Variants in ASTN2 observed in about 807,000 individuals in gnomAD.
ASTN2 encodes astrotactin 2.
ASTN2 carries 54 observed loss-of-function variants against 139.8 expected under a neutral mutation model. That is an observed-to-expected ratio of 0.39 (90% confidence interval 0.31 to 0.48). The LOEUF (loss-of-function observed/expected upper bound fraction) is 0.48, where lower values mean the gene tolerates loss of function less well. Among genes scored for constraint, ASTN2 ranks in the 20% least tolerant of loss-of-function variants. ASTN2 has a pLI of 0.95. For synonymous variants in ASTN2, 756 were observed against 719.5 expected, an observed-to-expected ratio of 1.05 and a Z score of -0.81; for missense variants, 1,565 against 1,725.1, an observed-to-expected ratio of 0.91 and a Z score of 1.64.
At chr9:116,649,134 A>G (rs1009017123) in intron 17 of ASTN2, among the ~76,000 whole-genome samples, 1 of 152,196 alleles carries the variant, frequency 6.6e-6, no homozygotes, top group Admixed American at 6.5e-5. Flanking sequence ...CAAGATCACC[A>G]TCATCCTGTC....
At chr9:117,340,439 A>G (rs1829031699) in intron 1 of ASTN2, among the ~76,000 whole-genome samples, 1 of 151,942 alleles carries the variant, frequency 6.6e-6, no homozygotes, top group African/African-American at 2.4e-5. Context: ...TATAGAAGAA[A>G]AATGCCCGGT....
At chr9:116,522,735 A>G (rs1216306668) in intron 19 of ASTN2, among the ~76,000 whole-genome samples, 9 of 152,166 alleles carry the variant, frequency 5.9e-5, no homozygotes, top group Admixed American at 5.9e-4. Context: ...TCAGCAGAGG[A>G]TAAGTAGAAG....
chr9:117,082,221 C>G (rs1828447039), intron 5 of ASTN2, among the ~76,000 whole-genome samples: 1 of 152,154 alleles, frequency 6.6e-6, no homozygotes, highest in South Asian at 2.1e-4. Flanking sequence ...TCCAACTAGT[C>G]TCTTTCTCTC....
chr9:116,486,216 C>A (rs954118126), intron 20 of ASTN2, among the ~76,000 whole-genome samples: 5 of 152,224 alleles, frequency 3.3e-5, no homozygotes, highest in African/African-American at 1.2e-4. Context: ...GAGGATAGGA[C>A]TTCTGTCTTA....
chr9:117,146,702 A>G (rs1830205818), intron 3 of ASTN2, among the ~76,000 whole-genome samples: 1 of 152,138 alleles, frequency 6.6e-6, no homozygotes. Context: ...GGTTCAGTGT[A>G]TACCGCTCGG....
chr9:117,227,360 A>G (rs1418604260), intron 2 of ASTN2, among the ~76,000 whole-genome samples: 1 of 152,200 alleles, frequency 6.6e-6, no homozygotes, highest in Non-Finnish European at 1.5e-5. Context: ...TCCATAATGT[A>G]GGGCCTTTTG....
At chr9:116,790,976 AAAGAAAG>A in intron 13 of ASTN2, among the ~76,000 whole-genome samples, 1 of 58,290 alleles carries the variant, frequency 1.7e-5, no homozygotes, top group African/African-American at 6.6e-5. Context: ...GGAAAGAAAG[AAAGAAAG>A]AAAGAAAGAA....
rs976932315 is a variant in ASTN2, at chr9:117,214,519, C to A, written c.854G>T (p.Arg285Leu). Residue 285 changes from arginine to leucine, a missense_variant, in exon 3 of 23, where the codon CGG (arginine) becomes CTG (leucine). Physicochemically the swap from Arg to Leu is moderately radical, Grantham distance 102. Around this residue, in one of 4 missense-constraint regions of ASTN2, gnomAD observed 596 missense variants for 576.8 expected, o/e 1.03. Transcript: ENST00000313400. ...THNSVIGVPI[R>L]ETPILDDYDC... The stretch of plus-strand genomic sequence containing the variant: ...ATAGTCATCCAGGATGGGAGTCTCC[C>A]GGATGGGCACGCCAATGACGGAATT... 6.2e-7 allele frequency: 1 copy of A among 1,614,076 alleles called. No individual in the cohort carries two copies. Among genetic ancestry groups the A allele is most frequent in the Non-Finnish European group, 8.5e-7 (1 of 1,179,930 alleles).
chr9:116,766,974 A>G (rs976622821), intron 13 of ASTN2, among the ~76,000 whole-genome samples: 4 of 151,856 alleles, frequency 2.6e-5, no homozygotes, highest in African/African-American at 9.7e-5. Flanking sequence ...CATCACACAC[A>G]GAAGCACACA....
chr9:117,266,061 C>A (rs562884741), intron 2 of ASTN2, among the ~76,000 whole-genome samples: 1 of 152,312 alleles, frequency 6.6e-6, no homozygotes, highest in Admixed American at 6.5e-5. Flanking sequence ...CTACCCAGAT[C>A]CCTAGGTTGT....
At chr9:117,298,047 C>T (rs774761761) in intron 1 of ASTN2, among the ~76,000 whole-genome samples, 56 of 152,172 alleles carry the variant, frequency 3.7e-4, no homozygotes, top group Non-Finnish European at 6.3e-4. Flanking sequence ...TCCAGCCAAC[C>T]ATTAAATGGC....
chr9:117,066,707 C>A (rs1827957931), intron 5 of ASTN2, among the ~76,000 whole-genome samples: 2 of 152,174 alleles, frequency 1.3e-5, no homozygotes, highest in South Asian at 4.1e-4. Context: ...TAATGATTGC[C>A]ATTCTAACTG....
At chr9:116,679,023 C>G (rs1859674662) in intron 16 of ASTN2, among the ~76,000 whole-genome samples, 1 of 152,084 alleles carries the variant, frequency 6.6e-6, no homozygotes, top group Non-Finnish European at 1.5e-5. Flanking sequence ...AAATGGCAGG[C>G]AAGACAGAAA....
At chr9:116,560,408 T>C (rs1852845227) in intron 19 of ASTN2, among the ~76,000 whole-genome samples, 1 of 152,284 alleles carries the variant, frequency 6.6e-6, no homozygotes, top group Middle Eastern at 3.4e-3. Context: ...CCATTATATT[T>C]AGAATAATTC....
intron 1 of ASTN2, among the ~76,000 whole-genome samples, chr9:117,333,093 C>T (rs1045690586): frequency 6.6e-6 from 1 of 152,092 alleles, no homozygotes; most frequent in Admixed American, 6.5e-5. Flanking sequence ...TACTAAAATC[C>T]ATCAAATTAT....
chr9:116,800,282 T>C (rs534699610), intron 13 of ASTN2, among the ~76,000 whole-genome samples: 9 of 152,182 alleles, frequency 5.9e-5, no homozygotes, highest in African/African-American at 2.2e-4. Context: ...TGACATAGAC[T>C]GTTCTTTAGT....
At chr9:116,465,971 T>C (rs5012583) in intron 20 of ASTN2, among the ~76,000 whole-genome samples, 49,004 of 151,864 alleles carry the variant, frequency 0.32, 8,352 homozygotes, top group East Asian at 0.49. Flanking sequence ...CCATACTTTA[T>C]TTTATTTCAG....
intron 5 of ASTN2, among the ~76,000 whole-genome samples, chr9:117,044,620 T>A (rs910920202): frequency 6.6e-6 from 1 of 152,208 alleles, no homozygotes; most frequent in Non-Finnish European, 1.5e-5. Context: ...GGCTTCTTAC[T>A]GCACTGCTGT....
intron 10 of ASTN2, among the ~76,000 whole-genome samples, chr9:116,965,185 A>G (rs776964349): frequency 1.3e-5 from 2 of 152,206 alleles, no homozygotes; most frequent in African/African-American, 2.4e-5. Context: ...GCCCCTAACC[A>G]TGTATCTGAG....
Sources: allele counts gnomAD v4.1 joint callset (sites outside exome capture counted in the v4.1 genomes callset), GRCh38; gene constraint gnomAD v4.1.1; regional missense constraint gnomAD v4.1.1; transcripts MANE v1.5; gene names NCBI Gene and HGNC (gene_info 2026-07-23, HGNC 2026-07-21).